ADAMTS19: variants seen among roughly 807,000 people sequenced by gnomAD.
The protein encoded by ADAMTS19 is A disintegrin and metalloproteinase with thrombospondin motifs 19.
In ADAMTS19, 93 loss-of-function variants were observed where a neutral mutation model predicts 153.3. The ratio of observed to expected loss-of-function variants is 0.61; its 90% confidence interval spans 0.51 to 0.72. The LOEUF (loss-of-function observed/expected upper bound fraction) is 0.72, where lower values mean the gene tolerates loss of function less well. ADAMTS19 is among the 30% of genes least tolerant of loss of function. The pLI is 0.00. For missense variants in ADAMTS19, 1,482 were observed against 1,552.1 expected, an observed-to-expected ratio of 0.95 and a Z score of 0.76; for synonymous variants, 600 against 556.6, an observed-to-expected ratio of 1.08 and a Z score of -1.10.
chr5:129,684,505 C>CATTAT (rs1754981620), intron 18 of ADAMTS19, among the ~76,000 whole-genome samples: 1 of 23,274 alleles, frequency 4.3e-5, no homozygotes, highest in Admixed American at 8.0e-4. Flanking sequence ...CTTTGCATTA[C>CATTAT]ATTACATTAC....
At chr5:129,506,904 T>C (rs1472852420) in intron 2 of ADAMTS19, among the ~76,000 whole-genome samples, 2 of 151,832 alleles carry the variant, frequency 1.3e-5, no homozygotes, top group Admixed American at 6.6e-5. Context: ...AATATATATA[T>C]ATTTTTTAAA....
intron 6 of ADAMTS19, among the ~76,000 whole-genome samples, chr5:129,531,869 T>A (rs911398645): frequency 6.6e-6 from 1 of 152,136 alleles, no homozygotes; most frequent in Non-Finnish European, 1.5e-5. Context: ...CAATTGATTT[T>A]TAATAAAGCT....
intron 8 of ADAMTS19, among the ~76,000 whole-genome samples, chr5:129,600,535 G>T (rs186248622): frequency 2.2e-3 from 331 of 152,020 alleles, no homozygotes; most frequent in African/African-American, 7.6e-3. Context: ...ACTTGAATTT[G>T]ATTTCTAGAA....
At chr5:129,709,402 AGT>A (rs1756332478) in intron 21 of ADAMTS19, among the ~76,000 whole-genome samples, 1 of 152,156 alleles carries the variant, frequency 6.6e-6, no homozygotes, top group African/African-American at 2.4e-5. Flanking sequence ...GATTATTTCT[AGT>A]AAAAATAATT....
intron 2 of ADAMTS19, among the ~76,000 whole-genome samples, chr5:129,479,847 C>T (rs555321879): frequency 5.3e-5 from 8 of 151,910 alleles, no homozygotes; most frequent in Non-Finnish European, 1.2e-4. Flanking sequence ...ACATACAAAG[C>T]TCATGAATTA....
intron 10 of ADAMTS19, among the ~76,000 whole-genome samples, chr5:129,625,570 G>T (rs962834033): frequency 2.0e-5 from 3 of 151,850 alleles, no homozygotes; most frequent in Non-Finnish European, 4.4e-5. Flanking sequence ...TTTTGATTTT[G>T]TTTTTCATTT....
Position 129,460,301 on chromosome 5 carries a change from C to T in ADAMTS19, c.-91C>T. ...GGCCTGGGCAAATTCGCCGCCCGGC[C>T]TCCTAGCGCTCCGGGGAGGCCGCTG... On this transcript the variant is annotated 5_prime_UTR_variant, in exon 1 of 23. Coordinates refer to ENST00000274487, the MANE Select transcript of ADAMTS19 (RefSeq NM_133638.6). The T allele has an allele frequency of 9.4e-7, 1 of 1,060,280 alleles. No homozygotes were observed. Among genetic ancestry groups the T allele is most frequent in the African/African-American group, 1.6e-5 (1 of 62,224 alleles). The allele number at this position is 1,060,280 out of a possible 1,614,324, so 65.7% of individuals were successfully genotyped here. A position where few individuals can be genotyped will look rare whatever the true frequency, so the allele number is the denominator to read the frequency against.
chr5:129,572,240 G>T (rs1753936632), intron 7 of ADAMTS19, among the ~76,000 whole-genome samples: 1 of 151,866 alleles, frequency 6.6e-6, no homozygotes. Flanking sequence ...TGCATATCCA[G>T]ATACTAGGAC....
Position 129,586,070 on chromosome 5 carries a change from T to G in ADAMTS19, c.1373-10489T>G, listed in dbSNP as rs140259169. 2.8e-3 allele frequency among the ~76,000 whole-genome samples: 420 copies of G among 152,202 alleles called. 2 individuals are homozygous for G. The highest frequency in any genetic ancestry group is 4.8e-3 in the Non-Finnish European group (327 of 68,008). Reference sequence around the variant, plus strand: ...CAAAATTGAGTGTAAGGTACAGAGGTTTCTCTTACACCCCCTGTCCACACA... The same window carrying G: ...CAAAATTGAGTGTAAGGTACAGAGGGTTCTCTTACACCCCCTGTCCACACA... On this transcript the variant is annotated intron_variant, in intron 7 of 22. Transcript: ENST00000274487.
At chr5:129,482,751 C>T (rs912719008) in intron 2 of ADAMTS19, among the ~76,000 whole-genome samples, 2 of 152,222 alleles carry the variant, frequency 1.3e-5, no homozygotes, top group African/African-American at 4.8e-5. Flanking sequence ...CCATCCCTGC[C>T]ATTCTCCTAG....
intron 15 of ADAMTS19, among the ~76,000 whole-genome samples, chr5:129,662,935 C>G (rs932823110): frequency 2.1e-5 from 3 of 142,752 alleles, no homozygotes; most frequent in Non-Finnish European, 3.0e-5. Context: ...CACTCTGTCA[C>G]CCAGGCTGGA....
chr5:129,514,356 A>G lies in ADAMTS19; in HGVS notation c.913+5114A>G, dbSNP rs1751529822. 2.0e-5 allele frequency among the ~76,000 whole-genome samples: 3 copies of G among 152,104 alleles called. No homozygotes were observed. In the South Asian group the frequency reaches 6.2e-4, roughly 31 times the overall value. On this transcript the variant is annotated intron_variant, in intron 3 of 22. Transcript: ENST00000274487. ...TAGCTCTCTTTTTAATGTTTGAGGA[A>G]CCTTCAAACTGTTCTCCATAGTGGT...
chr5:129,551,347 T>C (rs1753086351), intron 6 of ADAMTS19, among the ~76,000 whole-genome samples: 1 of 151,646 alleles, frequency 6.6e-6, no homozygotes, highest in Non-Finnish European at 1.5e-5. Context: ...TATACATAGA[T>C]CCCATTTATG....
chr5:129,646,901 C>G (rs1322943509), intron 11 of ADAMTS19, among the ~76,000 whole-genome samples: 3 of 152,098 alleles, frequency 2.0e-5, no homozygotes, highest in Non-Finnish European at 4.4e-5. Context: ...CTACGACCAT[C>G]ATCTATTTGA....
At chr5:129,617,954 A>G in intron 8 of ADAMTS19, among the ~76,000 whole-genome samples, 1 of 152,020 alleles carries the variant, frequency 6.6e-6, no homozygotes, top group Admixed American at 6.6e-5. Context: ...AGTATAGAGG[A>G]TCATTATGGT....
At chr5:129,679,986 C>A (rs963836615) in intron 17 of ADAMTS19, 65 bp downstream of exon 17, 1 of 1,422,448 alleles carries the variant, frequency 7.0e-7, no homozygotes, top group Non-Finnish European at 9.4e-7. Flanking sequence ...ATTCCCAGTG[C>A]ACTTCCTCTA....
At chr5:129,581,217 T>C (rs2126885808) in intron 7 of ADAMTS19, among the ~76,000 whole-genome samples, 1 of 152,092 alleles carries the variant, frequency 6.6e-6, no homozygotes, top group Admixed American at 6.5e-5. Flanking sequence ...CTAGTTTATT[T>C]GCATTGAGGT....
intron 7 of ADAMTS19, among the ~76,000 whole-genome samples, chr5:129,583,019 AT>A (rs1157609046): frequency 6.6e-6 from 1 of 152,022 alleles, no homozygotes; most frequent in Non-Finnish European, 1.5e-5. Flanking sequence ...GATCTTTACA[AT>A]TTGGTATGTT....
intron 4 of ADAMTS19, 163 bp downstream of exon 4, chr5:129,526,619 A>C: frequency 1.7e-6 from 1 of 596,366 alleles, no homozygotes. Context: ...GATCCATCTC[A>C]AAAGCAATAT....
Sources: gnomAD v4.1 joint callset for allele counts (sites outside exome capture counted in the v4.1 genomes callset) on GRCh38, gnomAD v4.1.1 for gene constraint, MANE v1.5 for transcripts, NCBI Gene and HGNC (gene_info 2026-07-23, HGNC 2026-07-21) for gene names.